Variants in GK5 observed in about 807,000 individuals in gnomAD.
GK5 encodes the protein glycerol kinase 5.
Under a neutral mutation model 77.3 loss-of-function variants are expected in GK5, and 39 were observed. The observed-to-expected ratio is 0.50, with a 90% CI of 0.39 to 0.66. The LOEUF (loss-of-function observed/expected upper bound fraction) is 0.66. Ranked by LOEUF, GK5 falls within the 30% of genes least tolerant of loss-of-function variation. GK5 has a pLI of 0.00. For synonymous variants in GK5, 211 were observed against 208.0 expected (o/e 1.01, Z -0.13); for missense variants, 487 against 633.8 (o/e 0.77, Z 2.49).
Position 142,186,339 on chromosome 3 carries a change from T to C in GK5, c.682-72A>G, listed in dbSNP as rs545334466. ...AAACCTCTAAACATATATCAAAACA[T>C]CATGTTGTACATGATATATTTGTCA... On this transcript the variant is annotated intron_variant, in intron 7 of 15. Coordinates refer to ENST00000392993, the MANE Select transcript of GK5 (RefSeq NM_001039547.3). 2.8e-6 allele frequency: 3 copies of C among 1,064,300 alleles called. No homozygotes were observed. In the East Asian group the frequency reaches 7.3e-5, roughly 26 times the overall value. The allele number at this position is 1,064,300 out of a possible 1,614,324, so 65.9% of individuals were successfully genotyped here. A position where few individuals can be genotyped will look rare whatever the true frequency, so the allele number is the denominator to read the frequency against.
chr3:142,223,655 A>G (rs1429589120), intron 1 of GK5, among the ~76,000 whole-genome samples: 5 of 152,202 alleles, frequency 3.3e-5, no homozygotes, highest in Admixed American at 6.5e-5. Flanking sequence ...CCTGGCCAAC[A>G]TGGCGAAACC....
intron 14 of GK5, 56 bp from the exon 15 acceptor site, chr3:142,170,514 T>C (rs2063523691): frequency 1.4e-6 from 2 of 1,422,864 alleles, no homozygotes; most frequent in African/African-American, 2.9e-5. Flanking sequence ...TCATTCTTTT[T>C]CAGTGGGCCA....
intron 4 of GK5, among the ~76,000 whole-genome samples, chr3:142,200,130 C>T (rs1035776606): frequency 2.6e-5 from 4 of 151,792 alleles, no homozygotes; most frequent in Non-Finnish European, 5.9e-5. Flanking sequence ...CAAACACATA[C>T]ACACACACAT....
Position 142,187,892 on chromosome 3 carries a change from C to T in GK5, c.544-113G>A, listed in dbSNP as rs186002888. On this transcript the variant is annotated intron_variant, in intron 5 of 15. Coordinates refer to ENST00000392993, the MANE Select transcript of GK5 (RefSeq NM_001039547.3). ...CCATTTTTATAAAAATTAATATGTACACAAAAACATTTCTAGAATATATTC... is the reference window on the plus strand; with the variant it reads ...CCATTTTTATAAAAATTAATATGTATACAAAAACATTTCTAGAATATATTC... 1,677 of 698,088 alleles carry T rather than the reference C, an allele frequency of 2.4e-3. 10 individuals carry two copies. The highest frequency in any genetic ancestry group is 3.4e-3 in the Non-Finnish European group (1,429 of 417,540). The allele number at this position is 698,088 out of a possible 1,614,324, so 43.2% of individuals were successfully genotyped here. A position where few individuals can be genotyped will look rare whatever the true frequency, so the allele number is the denominator to read the frequency against.
intron 6 of GK5, among the ~76,000 whole-genome samples, chr3:142,186,976 C>T (rs1028837488): frequency 1.2e-4 from 18 of 152,062 alleles, no homozygotes; most frequent in African/African-American, 4.3e-4. Context: ...CAATTTCCCA[C>T]TTAATATTTA....
intron 5 of GK5, among the ~76,000 whole-genome samples, chr3:142,195,783 A>G (rs889613907): frequency 6.6e-6 from 1 of 152,250 alleles, no homozygotes; most frequent in African/African-American, 2.4e-5. Flanking sequence ...TCTCACTCCA[A>G]TAATGGAAGT....
chr3:142,167,384 AAT>A (rs1560207896), intron 15 of GK5, among the ~76,000 whole-genome samples: 2 of 150,800 alleles, frequency 1.3e-5, no homozygotes, highest in East Asian at 1.9e-4. Context: ...AAAAAAAAAA[AAT>A]TTTTAATTAA....
At chr3:142,208,866 G>A (rs929259458) in intron 3 of GK5, among the ~76,000 whole-genome samples, 4 of 152,202 alleles carry the variant, frequency 2.6e-5, no homozygotes, top group Non-Finnish European at 5.9e-5. Flanking sequence ...AGGATAAATA[G>A]AGGCCGGGCG....
rs777479301 is a variant in GK5 at position 142,170,456 on chromosome 3, G to A, written c.1310C>T (p.Ala437Val). 21 of 1,605,566 alleles carry A rather than the reference G, an allele frequency of 1.3e-5. No individual in the cohort carries two copies. In the East Asian group the frequency reaches 2.9e-4, roughly 22 times the overall value. Residue 437 changes from alanine to valine, a missense_variant and splice_region_variant, in exon 15 of 16, where the codon GCA (alanine) becomes GTA (valine). Around this residue, in one of 4 missense-constraint regions of GK5, gnomAD observed 323 missense variants for 437.4 expected, o/e 0.74. Transcript: ENST00000392993. ...EIHIPVRKIR[A>V]DGGVCKNGFV... ...ACCATTCTTACAAACTCCTCCATCT[G>A]CCCTGTGGGGAACAAAATATGTAAG...
At chr3:142,181,676 T>C in intron 10 of GK5, 111 bp from the exon 11 acceptor site, 1 of 692,658 alleles carries the variant, frequency 1.4e-6, no homozygotes, top group South Asian at 2.0e-5. Flanking sequence ...GCCTCTGAAG[T>C]CAGACTGTGG....
At chr3:142,183,219 G>T (rs2063720976) in intron 9 of GK5, 170 bp from the exon 10 acceptor site, 2 of 573,426 alleles carry the variant, frequency 3.5e-6, no homozygotes, top group Admixed American at 3.1e-5. Context: ...ACAACCATAG[G>T]ATAGGAGTCT....
rs572405585 is a variant in GK5, at chr3:142,204,660, C to A, written c.411+35G>T. On this transcript the variant is annotated intron_variant, in intron 4 of 15. Coordinates refer to ENST00000392993, the MANE Select transcript of GK5 (RefSeq NM_001039547.3). Reference sequence around the variant, plus strand: ...AAGGGACATTTACAGAAAAAAAAAACCAACAATATCCAAATCACACAAGAA... The same window carrying A: ...AAGGGACATTTACAGAAAAAAAAAAACAACAATATCCAAATCACACAAGAA... The A allele has an allele frequency of 7.3e-5, 83 of 1,138,946 alleles. No homozygotes were observed. In the African/African-American group the frequency reaches 8.2e-4, roughly 11 times the overall value. The allele number at this position is 1,138,946 out of a possible 1,614,324, so 70.6% of individuals were successfully genotyped here. A position where few individuals can be genotyped will look rare whatever the true frequency, so the allele number is the denominator to read the frequency against.
chr3:142,182,337 C>G (rs933738044), intron 10 of GK5, among the ~76,000 whole-genome samples: 5 of 151,796 alleles, frequency 3.3e-5, no homozygotes, highest in Admixed American at 1.3e-4. Flanking sequence ...AAATTTAGAA[C>G]CCTAGTAAGA....
chr3:142,215,573 A>T, intron 2 of GK5, 26 bp downstream of exon 2: 1 of 1,226,000 alleles, frequency 8.2e-7, no homozygotes, highest in Non-Finnish European at 1.2e-6. Context: ...CATAAAGATT[A>T]TTGTTATTTT....
intron 1 of GK5, among the ~76,000 whole-genome samples, chr3:142,223,938 C>G (rs915561243): frequency 6.6e-6 from 1 of 152,248 alleles, no homozygotes; most frequent in African/African-American, 2.4e-5. Context: ...CTGGACCTTG[C>G]TCCTGGGCAA....
chr3:142,164,188 A>G lies in GK5; in HGVS notation c.*1434T>C, dbSNP rs543257379. The G allele has an allele frequency of 3.3e-5, 5 of 152,328 alleles. No homozygotes were observed. The South Asian group carries it at 8.3e-4, about 25-fold the overall frequency. The allele number at this position is 152,328 out of a possible 1,614,324, so 9.4% of individuals were successfully genotyped here. On this transcript the variant is annotated 3_prime_UTR_variant, in exon 16 of 16. Coordinates refer to ENST00000392993, the MANE Select transcript of GK5 (RefSeq NM_001039547.3). Reference sequence around the variant, plus strand: ...ATGCAACTTAATTTCTAGTTCTATCATATCTGTCTCCAAAATGGACATATA... The same window carrying G: ...ATGCAACTTAATTTCTAGTTCTATCGTATCTGTCTCCAAAATGGACATATA...
At chr3:142,168,016 A>G (rs2063493105) in intron 15 of GK5, among the ~76,000 whole-genome samples, 1 of 151,978 alleles carries the variant, frequency 6.6e-6, no homozygotes, top group Non-Finnish European at 1.5e-5. Context: ...CATCTCAAAC[A>G]AAACAAAACA....
intron 4 of GK5, among the ~76,000 whole-genome samples, chr3:142,199,837 G>A (rs528884319): frequency 6.6e-6 from 1 of 150,854 alleles, no homozygotes; most frequent in Non-Finnish European, 1.5e-5. Context: ...TTGTAAAACT[G>A]ATGTTTTACA....
intron 14 of GK5, among the ~76,000 whole-genome samples, chr3:142,170,696 T>C (rs2063525461): frequency 6.6e-6 from 1 of 152,220 alleles, no homozygotes; most frequent in African/African-American, 2.4e-5. Flanking sequence ...TTAGGACTAG[T>C]TCAAAACAAG....
Sources: allele counts gnomAD v4.1 joint callset (sites outside exome capture counted in the v4.1 genomes callset), GRCh38; gene constraint gnomAD v4.1.1; regional missense constraint gnomAD v4.1.1; transcripts MANE v1.5; gene names NCBI Gene and HGNC (gene_info 2026-07-23, HGNC 2026-07-21).